The following DDX59 variants were observed in gnomAD, a reference collection of about 807,000 sequenced individuals.
DDX59 encodes probable ATP-dependent RNA helicase DDX59.
DDX59 carries 30 observed loss-of-function variants against 51.9 expected under a neutral mutation model. That is an observed-to-expected ratio of 0.58 (90% confidence interval 0.43 to 0.78). DDX59 has a LOEUF of 0.78. Ranked by LOEUF, DDX59 falls within the 30% of genes least tolerant of loss-of-function variation. DDX59 has a pLI of 0.00. For missense variants in DDX59, 672 were observed against 730.8 expected, an observed-to-expected ratio of 0.92 and a Z score of 0.93; for synonymous variants, 255 against 253.3, an observed-to-expected ratio of 1.01 and a Z score of -0.06.
At chr1:200,644,769 C>T (rs990122157) in intron 7 of DDX59, among the ~76,000 whole-genome samples, 2 of 151,778 alleles carry the variant, frequency 1.3e-5, no homozygotes, top group African/African-American at 4.8e-5. Flanking sequence ...GTGGCAAACA[C>T]CTGTAAATTC....
At chr1:200,666,920 C>T (rs1662803657) in intron 1 of DDX59, among the ~76,000 whole-genome samples, 169 bp from the exon 2 acceptor site, 2 of 151,298 alleles carry the variant, frequency 1.3e-5, no homozygotes, top group South Asian at 4.2e-4. Context: ...CCAGCCTGGC[C>T]AACATGCTGA....
downstream of DDX59, among the ~76,000 whole-genome samples, chr1:200,643,499 C>T (rs552544836): frequency 6.6e-6 from 1 of 151,774 alleles, no homozygotes; most frequent in Non-Finnish European, 1.5e-5. Context: ...AAAAATTAGC[C>T]GGGCGTGGTG....
At position 200,644,496 on chromosome 1, in the gene DDX59, C is replaced by T; in HGVS notation, c.1618G>A (p.Gly540Ser). 6.3e-7 allele frequency: 1 copy of T among 1,590,958 alleles called. No homozygotes were observed. Among genetic ancestry groups the T allele is most frequent in the Non-Finnish European group, 8.6e-7 (1 of 1,168,868 alleles). ...VHQIGRVGRL[G>S]QNGTAITFIN... The stretch of plus-strand genomic sequence containing the variant: ...AAAGTAATCGCTGTTCCATTTTGAC[C>T]TAATCTTCCTACTCTTCCAATCTGA... The change falls in exon 8 of 8, where the codon GGT becomes AGT. Residue 540 changes from glycine to serine, a missense_variant. Gly to Ser is a moderately conservative substitution (Grantham distance 56, BLOSUM62 0). Transcript: ENST00000331314.
intron 3 of DDX59, among the ~76,000 whole-genome samples, chr1:200,659,403 G>A (rs895741316): frequency 5.9e-5 from 9 of 152,198 alleles, no homozygotes; most frequent in Non-Finnish European, 8.8e-5. Flanking sequence ...GAGTGGGCAT[G>A]AGCAAGGTGA....
At chr1:200,644,652 T>G (rs751026511) in intron 7 of DDX59, 135 bp from the exon 8 acceptor site, 54 of 1,096,968 alleles carry the variant, frequency 4.9e-5, no homozygotes, top group Non-Finnish European at 6.0e-5. Flanking sequence ...CCCCAGCACT[T>G]TGGGAGCTGA....
At chr1:200,662,272 T>C (rs1007377774) in intron 3 of DDX59, among the ~76,000 whole-genome samples, 2 of 152,238 alleles carry the variant, frequency 1.3e-5, no homozygotes, top group South Asian at 4.1e-4. Flanking sequence ...GTAGCAATCA[T>C]ACTGTAAAGT....
Position 200,650,656 on chromosome 1 carries a change from C to A in DDX59, c.1083G>T (p.Met361Ile). 6.2e-7 allele frequency: 1 copy of A among 1,610,948 alleles called. No individual in the cohort carries two copies. Among genetic ancestry groups the A allele is most frequent in the Non-Finnish European group, 8.5e-7 (1 of 1,177,826 alleles). Residue 361 changes from methionine to isoleucine, a missense_variant, in exon 5 of 8, where the codon ATG (methionine) becomes ATT (isoleucine). Coordinates refer to ENST00000331314, the MANE Select transcript of DDX59 (RefSeq NM_001031725.6). ...VVDEADTMLK[M>I]GFQQQVLDIL... ...TGTCAAGCACTTGTTGTTGAAAACC[C>A]ATCTTTAACATGGTATCAGCCTAAA...
intron 4 of DDX59, among the ~76,000 whole-genome samples, chr1:200,655,887 A>G (rs1661988811): frequency 6.6e-6 from 1 of 151,614 alleles, no homozygotes; most frequent in Admixed American, 6.6e-5. Flanking sequence ...CTGGAGTGCA[A>G]TGGCACGATC....
intron 6 of DDX59, among the ~76,000 whole-genome samples, 178 bp downstream of exon 6, chr1:200,648,896 C>G (rs1308221626): frequency 6.6e-6 from 1 of 152,154 alleles, no homozygotes; most frequent in Non-Finnish European, 1.5e-5. Context: ...CAGGCTATTG[C>G]TCCCCAAACA....
chr1:200,653,346 A>C (rs760108665), intron 4 of DDX59, among the ~76,000 whole-genome samples: 2 of 152,182 alleles, frequency 1.3e-5, no homozygotes, highest in Non-Finnish European at 2.9e-5. Flanking sequence ...ACATCTCAGG[A>C]AACAGCGCCA....
At chr1:200,663,810 A>C in intron 3 of DDX59, 109 bp downstream of exon 3, 1 of 1,168,304 alleles carries the variant, frequency 8.6e-7, no homozygotes, top group Non-Finnish European at 1.1e-6. Flanking sequence ...TAAGAATTTA[A>C]AGGCTCTCTA....
At chr1:200,659,728 C>T (rs1381924632) in intron 3 of DDX59, among the ~76,000 whole-genome samples, 1 of 152,172 alleles carries the variant, frequency 6.6e-6, no homozygotes, top group Non-Finnish European at 1.5e-5. Context: ...TTGATATAAT[C>T]TCGCTCTGTC....
chr1:200,661,639 T>C (rs1278886051), intron 3 of DDX59, among the ~76,000 whole-genome samples: 3 of 152,198 alleles, frequency 2.0e-5, no homozygotes, highest in African/African-American at 7.2e-5. Flanking sequence ...CTGTTTCAAA[T>C]TGAAGGAGAT....
intron 7 of DDX59, among the ~76,000 whole-genome samples, chr1:200,646,835 A>G (rs1661324186): frequency 6.6e-6 from 1 of 152,248 alleles, no homozygotes; most frequent in Non-Finnish European, 1.5e-5. Context: ...AGGAGCCAAA[A>G]TGTAGAAACA....
chr1:200,645,830 A>T (rs1169141893), intron 7 of DDX59, among the ~76,000 whole-genome samples: 1 of 152,238 alleles, frequency 6.6e-6, no homozygotes, highest in Non-Finnish European at 1.5e-5. Flanking sequence ...TAAAAAAGTT[A>T]AGAAGGGAAG....
chr1:200,649,686 G>C (rs1332570040), intron 5 of DDX59, among the ~76,000 whole-genome samples: 1 of 149,206 alleles, frequency 6.7e-6, no homozygotes, highest in Non-Finnish European at 1.5e-5. Context: ...GTTAAAATAA[G>C]TGTTTTATTT....
At chr1:200,641,052 G>A (rs550290281), downstream of DDX59, 972 of 627,708 alleles carry the variant, frequency 1.5e-3, 11 homozygotes, top group South Asian at 0.015. Context: ...ATGCCTTGGC[G>A]GCAACAAAAG....
At chr1:200,653,882 AC>A (rs955113087) in intron 4 of DDX59, among the ~76,000 whole-genome samples, 2 of 151,652 alleles carry the variant, frequency 1.3e-5, no homozygotes, top group East Asian at 3.9e-4. Flanking sequence ...ATCCAAGGTA[AC>A]CCCCCTCCCC....
chr1:200,658,996 A>C (rs767882001), intron 4 of DDX59, 31 bp downstream of exon 4: 297 of 1,523,598 alleles, frequency 1.9e-4, no homozygotes, highest in Non-Finnish European at 2.4e-4. Flanking sequence ...GTGTAAAATC[A>C]TGTAACTGTT....
Sources: gnomAD v4.1 joint callset for allele counts (sites outside exome capture counted in the v4.1 genomes callset) on GRCh38, gnomAD v4.1.1 for gene constraint, MANE v1.5 for transcripts, NCBI Gene and HGNC (gene_info 2026-07-23, HGNC 2026-07-21) for gene names.